Variants in CHD5 observed in about 807,000 individuals in gnomAD.
The protein encoded by CHD5 is ATP-dependent chromatin remodeler CHD5.
CHD5 carries 69 observed loss-of-function variants against 230.3 expected under a neutral mutation model. The observed-to-expected ratio is 0.30, with a 90% CI of 0.25 to 0.37. The LOEUF is 0.37. Among genes scored for constraint, CHD5 ranks in the 10% least tolerant of loss-of-function variants. CHD5 has a pLI of 1.00. For synonymous variants in CHD5, 1,064 were observed against 1,065.9 expected (o/e 1.00, Z 0.03); for missense variants, 1,827 against 2,622.8 (o/e 0.70, Z 6.63).
In CHD5 at chr1:6,129,516, A is replaced by C. The variant is rs1015226247; in HGVS notation, c.3388-447T>G. On this transcript the variant is annotated intron_variant, in intron 22 of 41. Coordinates refer to ENST00000262450, the MANE Select transcript of CHD5 (RefSeq NM_015557.3). This position sits in a 1 kb window ranked among gnomAD's most constrained non-coding sequence, Gnocchi z 6.8. ...GGGCAGCAAGGAGCTGAATCTGCCCAGTATAATACAAGGAAGTGCCTGAGA... is the reference window on the plus strand; with the variant it reads ...GGGCAGCAAGGAGCTGAATCTGCCCCGTATAATACAAGGAAGTGCCTGAGA... Among the ~76,000 whole-genome samples, 1 of 152,210 alleles carries C rather than the reference A, an allele frequency of 6.6e-6. No homozygotes were observed. The highest frequency in any genetic ancestry group is 6.5e-5 in the Admixed American group (1 of 15,288).
intron 13 of CHD5, among the ~76,000 whole-genome samples, chr1:6,143,424 C>T (rs531231138): frequency 1.5e-4 from 23 of 152,300 alleles, no homozygotes; most frequent in African/African-American, 2.9e-4. Flanking sequence ...ATCTGACAGG[C>T]GCCTGATAGT....
chr1:6,158,110 C>T (rs1235053318), intron 3 of CHD5, among the ~76,000 whole-genome samples: 1 of 152,356 alleles, frequency 6.6e-6, no homozygotes, highest in African/African-American at 2.4e-5. Context: ...CTGAATGGCA[C>T]TGTCACTCAC....
intron 9 of CHD5, among the ~76,000 whole-genome samples, 176 bp from the exon 10 acceptor site, chr1:6,147,047 A>C (rs1666923102): frequency 1.3e-5 from 2 of 152,326 alleles, no homozygotes; most frequent in South Asian, 4.1e-4. Flanking sequence ...CGCATGGGTC[A>C]TGCACACAGG....
chr1:6,157,864 G>A (rs1285054937), intron 3 of CHD5, among the ~76,000 whole-genome samples: 5 of 152,136 alleles, frequency 3.3e-5, no homozygotes, highest in Admixed American at 2.6e-4. Flanking sequence ...GCGACGATCC[G>A]TCTCCGGTGA....
intron 11 of CHD5, among the ~76,000 whole-genome samples, chr1:6,145,267 G>A (rs1666892855): frequency 6.6e-6 from 1 of 152,228 alleles, no homozygotes; most frequent in Admixed American, 6.5e-5. Context: ...ATGGGAACCG[G>A]GATTGAAATC....
chr1:6,113,268 C>T (rs115977027), intron 33 of CHD5: 7,085 of 446,708 alleles, frequency 0.016, 79 homozygotes, highest in Non-Finnish European at 0.023. Context: ...ACAAAAAATA[C>T]AACAACTTAG....
At chr1:6,138,685 T>A (rs2785585) in intron 15 of CHD5, among the ~76,000 whole-genome samples, 33,164 of 152,158 alleles carry the variant, frequency 0.22, 4,357 homozygotes, top group East Asian at 0.69. Context: ...TGCTATGAGA[T>A]CTCAAAGAGC....
Position 6,167,952 on chromosome 1 carries a change from C to T in CHD5, c.207+198G>A, listed in dbSNP as rs1453020864. Among the ~76,000 whole-genome samples the T allele has an allele frequency of 1.3e-5, 2 of 152,230 alleles. No homozygotes were observed. The highest frequency in any genetic ancestry group is 6.5e-5 in the Admixed American group (1 of 15,288). ...CCGACATCCTGCTCCGGAAACAGGA[C>T]AGCTCAGCAACGTCTTAAAAAGGCT... On this transcript the variant is annotated intron_variant, in intron 2 of 41. Coordinates refer to ENST00000262450, the MANE Select transcript of CHD5 (RefSeq NM_015557.3). This position sits in a 1 kb window ranked among gnomAD's most constrained non-coding sequence, Gnocchi z 4.5.
At position 6,125,927 on chromosome 1, in the gene CHD5, T is replaced by A; in HGVS notation, c.4079-69A>T. On this transcript the variant is annotated intron_variant, in intron 26 of 41. Coordinates refer to ENST00000262450, the MANE Select transcript of CHD5 (RefSeq NM_015557.3). The surrounding 1 kb of genome is among the most constrained non-coding windows in gnomAD (Gnocchi z 6.7). Reference sequence around the variant, plus strand: ...CAAAGCCCACCCTCAAGTTCAAGCATGCCCAGGGCCACGCCGAGCCCCTGC... The same window carrying A: ...CAAAGCCCACCCTCAAGTTCAAGCAAGCCCAGGGCCACGCCGAGCCCCTGC... 1 of 1,202,786 alleles carries A rather than the reference T, an allele frequency of 8.3e-7. No individual in the cohort carries two copies. Among genetic ancestry groups the A allele is most frequent in the Non-Finnish European group, 1.2e-6 (1 of 818,900 alleles). 74.5% of individuals were successfully genotyped at this position (1,202,786 alleles called of 1,614,324 possible).
In CHD5 at chr1:6,131,843, C is replaced by T; in HGVS notation, c.3145-95G>A. The T allele has an allele frequency of 1.4e-6, 1 of 726,134 alleles. No homozygotes were observed. Among genetic ancestry groups the T allele is most frequent in the Non-Finnish European group, 2.4e-6 (1 of 408,950 alleles). 45.0% of individuals were successfully genotyped at this position (726,134 alleles called of 1,614,324 possible). A position where few individuals can be genotyped will look rare whatever the true frequency, so the allele number is the denominator to read the frequency against. On this transcript the variant is annotated intron_variant, in intron 20 of 41. Transcript: ENST00000262450. This position sits in a 1 kb window ranked among gnomAD's most constrained non-coding sequence, Gnocchi z 5.0. ...CCGCCACAGGCAGGGGAGGAGAGAG[C>T]TGCCTGCTAGGTGGGGAGACAGCTG...
At chr1:6,159,539 G>A (rs1442728106) in intron 2 of CHD5, 24 bp from the exon 3 acceptor site, 3 of 1,580,180 alleles carry the variant, frequency 1.9e-6, no homozygotes, top group African/African-American at 1.3e-5. Flanking sequence ...GGGACAGTGA[G>A]GGCAACAGAG....
chr1:6,119,710 CGTGT>C (rs1409223802), intron 33 of CHD5, among the ~76,000 whole-genome samples: 1 of 150,628 alleles, frequency 6.6e-6, no homozygotes, highest in South Asian at 2.1e-4. Context: ...TATATATATA[CGTGT>C]GTGTATATAT....
In CHD5 at chr1:6,162,574, G is replaced by A. The variant is rs531420334; in HGVS notation, c.208-3059C>T. On this transcript the variant is annotated intron_variant, in intron 2 of 41. Coordinates refer to ENST00000262450, the MANE Select transcript of CHD5 (RefSeq NM_015557.3). Reference sequence around the variant, plus strand: ...CAGGGGACTCGGCCAAGCCAGAGCAGGCTGCAGTCAGAATGACCCTTTCCC... The same window carrying A: ...CAGGGGACTCGGCCAAGCCAGAGCAAGCTGCAGTCAGAATGACCCTTTCCC... Among the ~76,000 whole-genome samples, 4 of 152,248 alleles carry A rather than the reference G, an allele frequency of 2.6e-5. No individual in the cohort carries two copies. The East Asian group carries it at 7.7e-4, about 29-fold the overall frequency.
intron 2 of CHD5, among the ~76,000 whole-genome samples, chr1:6,160,473 G>A (rs868532854): frequency 3.2e-4 from 48 of 148,676 alleles, no homozygotes; most frequent in African/African-American, 1.1e-3. Context: ...GAGAAGGAGA[G>A]CCCCAGCCAG....
Position 6,109,895 on chromosome 1 carries a change from G to T in CHD5, c.5478C>A (p.Asn1826Lys), listed in dbSNP as rs200881726. Residue 1826 changes from asparagine (N) to lysine (K), a missense_variant, in exon 38 of 42, where the codon AAC becomes AAA. By Grantham distance (94) the Asn-to-Lys change is moderately conservative (BLOSUM62 0). Transcript: ENST00000262450. ...QDPNHPAMAL[N>K]ARLAEVECLA... Reference sequence around the variant, plus strand: ...GGCACTCCACTTCAGCCAGGCGGGCGTTGAGGGCCATGGCGGGGTGGTTGG... The same window carrying T: ...GGCACTCCACTTCAGCCAGGCGGGCTTTGAGGGCCATGGCGGGGTGGTTGG... The T allele has an allele frequency of 1.9e-6, 3 of 1,612,152 alleles. No individual in the cohort carries two copies. Among genetic ancestry groups the T allele is most frequent in the Non-Finnish European group, 2.5e-6 (3 of 1,179,386 alleles).
Position 6,126,436 on chromosome 1 carries a change from C to T in CHD5, c.4078+136G>A, listed in dbSNP as rs1050874297. ...CCTCCGCCTCTGGGTATGGGACACC[C>T]ATCCCTCCTGGCACACTCGCCCAGC... On this transcript the variant is annotated intron_variant, in intron 26 of 41. Transcript: ENST00000262450. The surrounding 1 kb of genome is among the most constrained non-coding windows in gnomAD (Gnocchi z 5.7). The T allele has an allele frequency of 1.5e-6, 1 of 676,454 alleles. No individual in the cohort carries two copies. The highest frequency in any genetic ancestry group is 2.6e-6 in the Non-Finnish European group (1 of 382,860). The allele number at this position is 676,454 out of a possible 1,614,324, so 41.9% of individuals were successfully genotyped here.
At chr1:6,152,020 A>G (rs1667015479) in intron 6 of CHD5, among the ~76,000 whole-genome samples, 1 of 151,938 alleles carries the variant, frequency 6.6e-6, no homozygotes, top group Non-Finnish European at 1.5e-5. Context: ...CCCCCACCCA[A>G]CTACTCCCCC....
chr1:6,179,570 C>T (rs991859014), intron 1 of CHD5, among the ~76,000 whole-genome samples: 4 of 151,252 alleles, frequency 2.6e-5, no homozygotes, highest in African/African-American at 7.3e-5. Context: ...GACGCGAGCG[C>T]GGGGTGCGCC....
intron 1 of CHD5, among the ~76,000 whole-genome samples, chr1:6,170,166 C>G (rs1667314146): frequency 6.6e-6 from 1 of 152,114 alleles, no homozygotes; most frequent in Admixed American, 6.5e-5. Context: ...CTGGTGACCC[C>G]TGGGTCACCA....
Sources: allele counts gnomAD v4.1 joint callset (sites outside exome capture counted in the v4.1 genomes callset), GRCh38; gene constraint gnomAD v4.1.1; non-coding constraint Gnocchi (gnomAD v3.1); transcripts MANE v1.5; gene names NCBI Gene and HGNC (gene_info 2026-07-23, HGNC 2026-07-21).